Variants in MON2 observed in about 807,000 individuals in gnomAD.
The protein encoded by MON2 is MON2 regulator of endosome-to-Golgi trafficking.
A neutral mutation model predicts 208.6 loss-of-function variants in MON2; 84 were observed. The ratio of observed to expected loss-of-function variants is 0.40; its 90% CI spans 0.34 to 0.48. The LOEUF is 0.48. MON2 is among the 20% of genes least tolerant of loss of function. The probability of loss-of-function intolerance (pLI) is 0.59; values close to 1 mark genes in which losing one functional copy is unlikely to be tolerated. For missense variants in MON2, 1,611 were observed against 2,015.4 expected (o/e 0.80, Z 3.84); for synonymous variants, 660 against 694.0 (o/e 0.95, Z 0.77).
rs771162908 is a variant in MON2, at chr12:62,553,189, A to C, written c.3210+15A>C. 5.0e-6 allele frequency: 8 copies of C among 1,606,492 alleles called. No individual in the cohort carries two copies. Among genetic ancestry groups the C allele is most frequent in the Non-Finnish European group, 6.8e-6 (8 of 1,173,826 alleles). On this transcript the variant is annotated intron_variant, in intron 24 of 34. Transcript: ENST00000393630. ...TTATCTGGAAGGTATTGTAAAATAG[A>C]TTGGACTATCAGCTTTTAATGAGTC...
Position 62,577,955 on chromosome 12 carries a change from GTCT to G in MON2, c.4515-482_4515-480del, listed in dbSNP as rs372780237. On this transcript the variant is annotated intron_variant, in intron 30 of 34. Coordinates refer to ENST00000393630, the MANE Select transcript of MON2 (RefSeq NM_015026.3). ...TTTCTGCTTTAGAAAATCTGCATCA[GTCT>G]TCTTCTTTACAGATTTTCCCTCTTT... Among the ~76,000 whole-genome samples, 381 of 152,104 alleles carry G rather than the reference GTCT, an allele frequency of 2.5e-3. 2 individuals carry two copies. The highest frequency in any genetic ancestry group is 8.6e-3 in the African/African-American group (356 of 41,532).
At chr12:62,592,485 G>A (rs963956564) in intron 34 of MON2, 101 bp from the exon 35 acceptor site, 3 of 884,832 alleles carry the variant, frequency 3.4e-6, no homozygotes, top group Admixed American at 5.6e-5. Flanking sequence ...TCATGTTTCA[G>A]AGTTTTTTCT....
chr12:62,592,848 T>G lies in MON2; in HGVS notation c.*99T>G. ...GGACATTTCTTACTGCAGATAATTC[T>G]TGGCAGCTGTTGTTGGCCTCCTTTA... On this transcript the variant is annotated 3_prime_UTR_variant, in exon 35 of 35. Transcript: ENST00000393630. 2 of 1,227,580 alleles carry G rather than the reference T, an allele frequency of 1.6e-6. No homozygotes were observed. The highest frequency in any genetic ancestry group is 1.1e-6 in the Non-Finnish European group (1 of 900,850). 76.0% of individuals were successfully genotyped at this position (1,227,580 alleles called of 1,614,324 possible).
intron 8 of MON2, among the ~76,000 whole-genome samples, chr12:62,516,680 G>A (rs2071709215): frequency 6.6e-6 from 1 of 152,042 alleles, no homozygotes; most frequent in African/African-American, 2.4e-5. Flanking sequence ...CTCCAGGCTG[G>A]GCAACAAGAG....
chr12:62,560,754 T>G lies in MON2; in HGVS notation c.3673T>G (p.Ser1225Ala), dbSNP rs752766935. 36 of 1,614,024 alleles carry G rather than the reference T, an allele frequency of 2.2e-5. No individual in the cohort carries two copies. The highest frequency in any genetic ancestry group is 2.9e-5 in the Non-Finnish European group (34 of 1,180,022). ...AGAAAAACTAGGAAGATATAGTAGC[T>G]CTGAGCCACCCATTGTTACTGATGA... is the stretch of plus-strand genomic sequence containing the variant. ...IGEKLGRYSS[S>A]EPPIVTDELE... Residue 1225 changes from serine (S) to alanine (A), a missense_variant, in exon 26 of 35, where the codon TCT becomes GCT. Physicochemically the swap from Ser to Ala is moderately conservative, Grantham distance 99. Transcript: ENST00000393630.
chr12:62,489,068 A>C (rs1276246057), intron 2 of MON2, among the ~76,000 whole-genome samples: 3 of 152,148 alleles, frequency 2.0e-5, no homozygotes, highest in Admixed American at 2.0e-4. Context: ...ATTGTAGTTT[A>C]ACAATTTCCT....
intron 8 of MON2, among the ~76,000 whole-genome samples, chr12:62,523,883 A>C (rs949333386): frequency 1.3e-5 from 2 of 152,186 alleles, no homozygotes; most frequent in African/African-American, 4.8e-5. Context: ...GTTATCAGAC[A>C]TGTAATGATT....
chr12:62,588,103 T>C lies in MON2; in HGVS notation c.4937T>C (p.Leu1646Ser). ...RQQVTEIIFV[L>S]KAVSTLIDSL... ...CAAGTAACAGAAATTATATTTGTTT[T>C]AAAAGCAGTCAGTACTCTTATTGAT... The change falls in exon 34 of 35, where the codon TTA (leucine) becomes TCA (serine). Residue 1646 changes from leucine (L) to serine (S), a missense_variant. Physicochemically the swap from Leu to Ser is moderately radical, Grantham distance 145. Coordinates refer to ENST00000393630, the MANE Select transcript of MON2 (RefSeq NM_015026.3). The C allele has an allele frequency of 6.3e-7, 1 of 1,582,118 alleles. No individual in the cohort carries two copies. Among genetic ancestry groups the C allele is most frequent in the Non-Finnish European group, 8.7e-7 (1 of 1,153,072 alleles).
chr12:62,517,876 A>C (rs1374313434), intron 8 of MON2, among the ~76,000 whole-genome samples: 1 of 152,214 alleles, frequency 6.6e-6, no homozygotes, highest in Non-Finnish European at 1.5e-5. Context: ...CAGATATCTT[A>C]ATTCCTCAGT....
rs796663038 is a variant in MON2 at position 62,547,138 on chromosome 12, A to C, written c.2753+66A>C. 2.1e-5 allele frequency: 23 copies of C among 1,118,892 alleles called. No individual in the cohort carries two copies. In the African/African-American group the frequency reaches 3.2e-4, roughly 16 times the overall value. The allele number at this position is 1,118,892 out of a possible 1,614,324, so 69.3% of individuals were successfully genotyped here. On this transcript the variant is annotated intron_variant, in intron 22 of 34. Coordinates refer to ENST00000393630, the MANE Select transcript of MON2 (RefSeq NM_015026.3). ...AATAAAATATAAATAAAATAAAATT[A>C]ACATCAAAAAAGTGATAGAGGTAGA...
chr12:62,480,033 G>A (rs2069317403), intron 1 of MON2, among the ~76,000 whole-genome samples: 1 of 152,118 alleles, frequency 6.6e-6, no homozygotes, highest in Non-Finnish European at 1.5e-5. Flanking sequence ...TGATATACAA[G>A]TGTGTCAATA....
intron 20 of MON2, among the ~76,000 whole-genome samples, chr12:62,543,711 A>T (rs935716285): frequency 6.6e-6 from 1 of 151,952 alleles, no homozygotes; most frequent in Non-Finnish European, 1.5e-5. Context: ...AGGTTCAGGC[A>T]ATTCTCCTGC....
chr12:62,486,893 AATG>A (rs1161009364), intron 2 of MON2, among the ~76,000 whole-genome samples: 3 of 152,152 alleles, frequency 2.0e-5, no homozygotes, highest in Non-Finnish European at 4.4e-5. Context: ...TTGTTGTAAG[AATG>A]ATAACTTTTA....
At chr12:62,530,147 C>T (rs972712144) in intron 11 of MON2, among the ~76,000 whole-genome samples, 1 of 152,072 alleles carries the variant, frequency 6.6e-6, no homozygotes, top group Admixed American at 6.6e-5. Context: ...CCCAAACCTC[C>T]ACCCTTCCTG....
At chr12:62,483,223 A>G (rs1422348309) in intron 1 of MON2, among the ~76,000 whole-genome samples, 1 of 152,214 alleles carries the variant, frequency 6.6e-6, no homozygotes, top group Non-Finnish European at 1.5e-5. Flanking sequence ...AGCTCAATTC[A>G]GACTGGCCAC....
In MON2 at chr12:62,585,313, T is replaced by C. The variant is rs369895677; in HGVS notation, c.4719T>C (p.Arg1573=). 4.6e-5 allele frequency: 75 copies of C among 1,613,214 alleles called. No homozygotes were observed. The highest frequency in any genetic ancestry group is 1.6e-4 in the African/African-American group (12 of 74,888). The change falls in exon 33 of 35, where the codon CGT becomes CGC. Residue 1573 remains arginine, a synonymous_variant. Coordinates refer to ENST00000393630, the MANE Select transcript of MON2 (RefSeq NM_015026.3). ...TTACAGAAGCAGAGATTGATATTCGTTTGAGAGAGGAATTTTCTAAAATGT... is the reference window on the plus strand; with the variant it reads ...TTACAGAAGCAGAGATTGATATTCGCTTGAGAGAGGAATTTTCTAAAATGT... ...SSFTEAEIDI[R]LREEFSKMCF...
chr12:62,552,486 A>G (rs2073793903), intron 23 of MON2, among the ~76,000 whole-genome samples: 1 of 152,164 alleles, frequency 6.6e-6, no homozygotes, highest in Non-Finnish European at 1.5e-5. Context: ...AACTTATTAA[A>G]CAATATTAAG....
Position 62,599,177 on chromosome 12 carries a change from A to T in MON2, c.*6428A>T, listed in dbSNP as rs918426563. ...TGAGAGCTTTATTAAAACCATTAATATATAAAATGAAAAAATAATAAACAG... is the reference window on the plus strand; with the variant it reads ...TGAGAGCTTTATTAAAACCATTAATTTATAAAATGAAAAAATAATAAACAG... On this transcript the variant is annotated 3_prime_UTR_variant, in exon 35 of 35. Coordinates refer to ENST00000393630, the MANE Select transcript of MON2 (RefSeq NM_015026.3). 1 of 152,244 alleles carries T rather than the reference A, an allele frequency of 6.6e-6. No individual in the cohort carries two copies. The highest frequency in any genetic ancestry group is 1.5e-5 in the Non-Finnish European group (1 of 68,028). The allele number at this position is 152,244 out of a possible 1,614,324, so 9.4% of individuals were successfully genotyped here.
chr12:62,570,801 C>T (rs564640970), intron 29 of MON2, among the ~76,000 whole-genome samples: 28 of 122,018 alleles, frequency 2.3e-4, no homozygotes, highest in African/African-American at 8.7e-4. Context: ...GGTGTGATCT[C>T]GGCTCACTGC....
Sources: gnomAD v4.1 joint callset for allele counts (sites outside exome capture counted in the v4.1 genomes callset) on GRCh38, gnomAD v4.1.1 for gene constraint, MANE v1.5 for transcripts, NCBI Gene and HGNC (gene_info 2026-07-23, HGNC 2026-07-21) for gene names.